Variants in IRAG1 observed in about 807,000 individuals in gnomAD.
IRAG1 encodes IP3R-associated cGMP kinase substrate.
In IRAG1, 62 loss-of-function variants were observed where a neutral mutation model predicts 106.2. The observed-to-expected ratio is 0.58, with a 90% CI of 0.48 to 0.72. The LOEUF (loss-of-function observed/expected upper bound fraction) is 0.72, where lower values mean the gene tolerates loss of function less well. IRAG1 is among the 30% of genes least tolerant of loss of function. The pLI, the probability that IRAG1 is intolerant of heterozygous loss-of-function variation, is 0.00. For missense variants in IRAG1, 1,064 were observed against 1,140.7 expected (o/e 0.93, Z 0.97); for synonymous variants, 462 against 443.9 (o/e 1.04, Z -0.51).
intron 20 of IRAG1, among the ~76,000 whole-genome samples, chr11:10,579,188 A>G (rs966416931): frequency 1.3e-5 from 2 of 152,198 alleles, no homozygotes; most frequent in South Asian, 4.1e-4. Context: ...TCCCCTGAAC[A>G]ATGGGGTCGA....
At chr11:10,643,094 G>A (rs1397226084) in intron 2 of IRAG1, among the ~76,000 whole-genome samples, 1 of 142,052 alleles carries the variant, frequency 7.0e-6, no homozygotes. Flanking sequence ...AGAATGGCGT[G>A]AACCCAGGAG....
In IRAG1 at chr11:10,647,459, C is replaced by CA. The variant is rs1858053756; in HGVS notation, c.225+4565dup. 6.6e-6 allele frequency among the ~76,000 whole-genome samples: 1 copy of CA among 152,100 alleles called. No individual in the cohort carries two copies. The highest frequency in any genetic ancestry group is 1.5e-5 in the Non-Finnish European group (1 of 68,018). On this transcript the variant is annotated intron_variant, in intron 2 of 20. Coordinates refer to ENST00000423302, the MANE Select transcript of IRAG1 (RefSeq NM_130385.4). The surrounding 1 kb of genome is among the most constrained non-coding windows in gnomAD (Gnocchi z 4.3). Reference sequence around the variant, plus strand: ...TTTGTGTGCAGCGGAGGTAGGGGAACAGGGGAGGTGGTAGCTGGGTGCTGG... The same window carrying CA: ...TTTGTGTGCAGCGGAGGTAGGGGAACAAGGGGAGGTGGTAGCTGGGTGCTGG...
chr11:10,594,059 A>T, intron 16 of IRAG1, 87 bp downstream of exon 16: 1 of 1,270,792 alleles, frequency 7.9e-7, no homozygotes, highest in South Asian at 1.3e-5. Context: ...GCATCCATGG[A>T]TCCCAGAATG....
chr11:10,633,264 A>G (rs367879041), intron 3 of IRAG1, among the ~76,000 whole-genome samples: 8 of 151,820 alleles, frequency 5.3e-5, no homozygotes, highest in East Asian at 1.9e-4. Context: ...TGTAGTAGAG[A>G]CGTGGTTTCA....
At chr11:10,618,684 A>G (rs895459261) in intron 10 of IRAG1, among the ~76,000 whole-genome samples, 2 of 152,220 alleles carry the variant, frequency 1.3e-5, no homozygotes, top group African/African-American at 2.4e-5. Flanking sequence ...AGAGAGGAAG[A>G]ACATTCCATG....
In IRAG1 at chr11:10,665,384, A is replaced by G. The variant is rs1859710727; in HGVS notation, c.68-13202T>C. Among the ~76,000 whole-genome samples the G allele has an allele frequency of 6.6e-6, 1 of 151,954 alleles. No homozygotes were observed. ...TCTTTTTACTAATACACACATCTAA[A>G]CTGTTAGGGCTCCAGAGGAGTGACT... On this transcript the variant is annotated intron_variant, in intron 1 of 20. Coordinates refer to ENST00000423302, the MANE Select transcript of IRAG1 (RefSeq NM_130385.4). This position sits in a 1 kb window ranked among gnomAD's most constrained non-coding sequence, Gnocchi z 4.2.
Position 10,608,248 on chromosome 11 carries a change from C to G in IRAG1, c.1572-1476G>C, listed in dbSNP as rs1050771146. On this transcript the variant is annotated intron_variant, in intron 11 of 20. Transcript: ENST00000423302. Reference sequence around the variant, plus strand: ...CAAGCAATCCTCCTGCCTCAGCCACCAGAGTAGCTGGGACTATGGGTGCAT... The same window carrying G: ...CAAGCAATCCTCCTGCCTCAGCCACGAGAGTAGCTGGGACTATGGGTGCAT... Among the ~76,000 whole-genome samples, 12 of 152,266 alleles carry G rather than the reference C, an allele frequency of 7.9e-5. No individual in the cohort carries two copies. In the Middle Eastern group the frequency reaches 0.01, roughly 129 times the overall value.
At chr11:10,681,435 C>G (rs1861251789) in intron 1 of IRAG1, among the ~76,000 whole-genome samples, 1 of 152,220 alleles carries the variant, frequency 6.6e-6, no homozygotes, top group African/African-American at 2.4e-5. Flanking sequence ...TTCTAACTGT[C>G]ACCAAAGGAC....
At chr11:10,607,316 G>T (rs761276019) in intron 11 of IRAG1, among the ~76,000 whole-genome samples, 1 of 152,146 alleles carries the variant, frequency 6.6e-6, no homozygotes, top group Non-Finnish European at 1.5e-5. Flanking sequence ...AGGTGCATGC[G>T]GGCCAGAGAA....
At chr11:10,623,679 G>A in intron 10 of IRAG1, 99 bp downstream of exon 10, 2 of 1,093,514 alleles carry the variant, frequency 1.8e-6, no homozygotes, top group Non-Finnish European at 2.8e-6. Context: ...GTTTCCTGAG[G>A]AAGACACAGG....
intron 18 of IRAG1, 43 bp from the exon 19 acceptor site, chr11:10,582,029 G>T (rs190055172): frequency 1.2e-4 from 190 of 1,576,248 alleles, no homozygotes; most frequent in Admixed American, 3.1e-4. Flanking sequence ...TCAGAAAAAG[G>T]TGGAGGCCTA....
rs1007911590 is a variant in IRAG1 at position 10,574,192 on chromosome 11, T to C, written c.*2140A>G. 4 of 152,358 alleles carry C rather than the reference T, an allele frequency of 2.6e-5. No individual in the cohort carries two copies. The highest frequency in any genetic ancestry group is 5.9e-5 in the Non-Finnish European group (4 of 68,066). The allele number at this position is 152,358 out of a possible 1,614,324, so 9.4% of individuals were successfully genotyped here. A position where few individuals can be genotyped will look rare whatever the true frequency, so the allele number is the denominator to read the frequency against. On this transcript the variant is annotated 3_prime_UTR_variant, in exon 21 of 21. Coordinates refer to ENST00000423302, the MANE Select transcript of IRAG1 (RefSeq NM_130385.4). ...GTTGCTAGTCTGGTCTCATTCCTGC[T>C]CTCTCACAGAGTAGACTGAAAAACA...
intron 1 of IRAG1, among the ~76,000 whole-genome samples, chr11:10,692,710 G>A (rs56009251): frequency 0.012 from 1,790 of 152,314 alleles, 30 homozygotes; most frequent in African/African-American, 0.041. Flanking sequence ...TGGAGTGCTG[G>A]CCAGGGGTCC....
intron 1 of IRAG1, among the ~76,000 whole-genome samples, chr11:10,668,431 G>A (rs1051835435): frequency 1.3e-5 from 2 of 152,194 alleles, no homozygotes; most frequent in Non-Finnish European, 2.9e-5. Context: ...CTCTAACACA[G>A]AGTTCAACAA....
intron 2 of IRAG1, among the ~76,000 whole-genome samples, chr11:10,649,285 G>A (rs1246350462): frequency 6.6e-6 from 1 of 152,222 alleles, no homozygotes; most frequent in East Asian, 1.9e-4. Flanking sequence ...GTGGCAGTAA[G>A]GGAAGAGGGT....
chr11:10,579,203 C>T (rs1443408278), intron 20 of IRAG1, among the ~76,000 whole-genome samples: 1 of 152,218 alleles, frequency 6.6e-6, no homozygotes, highest in Non-Finnish European at 1.5e-5. Flanking sequence ...GGTCGACCAG[C>T]ATGGGCTGAG....
chr11:10,638,156 A>T (rs1158449900), intron 2 of IRAG1, among the ~76,000 whole-genome samples: 4 of 152,236 alleles, frequency 2.6e-5, no homozygotes, highest in African/African-American at 9.6e-5. Flanking sequence ...TTAGAGACCC[A>T]TGTGCCTGTT....
At chr11:10,675,458 T>C (rs1860580082) in intron 1 of IRAG1, among the ~76,000 whole-genome samples, 1 of 152,126 alleles carries the variant, frequency 6.6e-6, no homozygotes, top group Non-Finnish European at 1.5e-5. Context: ...AGGGCAGAAA[T>C]GGTCCCTTGC....
At chr11:10,621,966 T>C (rs1379919544) in intron 10 of IRAG1, among the ~76,000 whole-genome samples, 1 of 151,932 alleles carries the variant, frequency 6.6e-6, no homozygotes, top group African/African-American at 2.4e-5. Flanking sequence ...GAATAAAGAG[T>C]TATTGTTTTA....
Sources: allele counts gnomAD v4.1 joint callset (sites outside exome capture counted in the v4.1 genomes callset), GRCh38; gene constraint gnomAD v4.1.1; non-coding constraint Gnocchi (gnomAD v3.1); transcripts MANE v1.5; gene names NCBI Gene and HGNC (gene_info 2026-07-23, HGNC 2026-07-21).